Variants in TENM3 observed in about 807,000 individuals in gnomAD.
The protein encoded by TENM3 is teneurin-3.
Under a neutral mutation model 255.1 loss-of-function variants are expected in TENM3, and 63 were observed. The observed-to-expected ratio is 0.25, with a 90% confidence interval of 0.20 to 0.30. The LOEUF is 0.30. Among genes scored for constraint, TENM3 ranks in the 10% least tolerant of loss-of-function variants. The pLI is 1.00. For synonymous variants in TENM3, 1,306 were observed against 1,322.3 expected (o/e 0.99, Z 0.27); for missense variants, 2,929 against 3,461.1 (o/e 0.85, Z 3.86).
At chr4:182,507,246 T>C (rs1736929664) in intron 3 of TENM3, among the ~76,000 whole-genome samples, 1 of 152,198 alleles carries the variant, frequency 6.6e-6, no homozygotes, top group Non-Finnish European at 1.5e-5. Flanking sequence ...TCTTTTGCCC[T>C]TTTTCTTCCA....
chr4:181,934,633 C>G, the TENM3 span, among the ~76,000 whole-genome samples: 1 of 152,060 alleles, frequency 6.6e-6, no homozygotes, highest in Admixed American at 6.6e-5. Flanking sequence ...TTTAGCATAA[C>G]TTCAAATTTT....
chr4:182,729,121 G>C lies in TENM3; in HGVS notation c.2525G>C (p.Ser842Thr), dbSNP rs1190744552. 6.2e-7 allele frequency: 1 copy of C among 1,613,888 alleles called. No homozygotes were observed. The highest frequency in any genetic ancestry group is 1.3e-5 in the African/African-American group (1 of 74,926). ...QAAKSFYDRI[S>T]FLIGSDSTHV... ...GCCAAATCCTTTTATGATCGAATCAGTTTCCTTATAGGATCTGATAGCACC... is the reference window on the plus strand; with the variant it reads ...GCCAAATCCTTTTATGATCGAATCACTTTCCTTATAGGATCTGATAGCACC... Residue 842 changes from serine to threonine, a missense_variant, in exon 14 of 28, where the codon AGT becomes ACT. Around this residue, in one of 6 missense-constraint regions of TENM3, gnomAD observed 1,608 missense variants for 1,884.4 expected, o/e 0.85. Transcript: ENST00000511685.
chr4:181,638,765 AT>A, the TENM3 span, among the ~76,000 whole-genome samples: 1 of 152,212 alleles, frequency 6.6e-6, no homozygotes, highest in Non-Finnish European at 1.5e-5. Flanking sequence ...ATCACTATGT[AT>A]AAAAACTGCA....
chr4:181,617,165 G>C, the TENM3 span, among the ~76,000 whole-genome samples: 1 of 152,146 alleles, frequency 6.6e-6, no homozygotes, highest in Non-Finnish European at 1.5e-5. Flanking sequence ...AGATGGTCCA[G>C]TGGAATTTAG....
chr4:182,786,266 G>A (rs1430976171), intron 24 of TENM3, among the ~76,000 whole-genome samples: 5 of 152,178 alleles, frequency 3.3e-5, no homozygotes, highest in Non-Finnish European at 5.9e-5. Flanking sequence ...GGTGCAAATC[G>A]GAAGCCAGGG....
the TENM3 span, among the ~76,000 whole-genome samples, chr4:181,929,782 T>TA: frequency 1.3e-5 from 2 of 152,184 alleles, no homozygotes; most frequent in South Asian, 4.1e-4. Flanking sequence ...TAATAGGAGG[T>TA]AAAACACTCC....
At chr4:182,508,316 A>T (rs1251505473) in intron 3 of TENM3, among the ~76,000 whole-genome samples, 1 of 152,162 alleles carries the variant, frequency 6.6e-6, no homozygotes, top group Non-Finnish European at 1.5e-5. Flanking sequence ...GGTTTCATTA[A>T]AGTAACTATT....
the TENM3 span, among the ~76,000 whole-genome samples, chr4:181,943,912 C>T: frequency 6.6e-6 from 1 of 152,070 alleles, no homozygotes; most frequent in Non-Finnish European, 1.5e-5. Context: ...TTCTCTATCT[C>T]GCCACACAGA....
the TENM3 span, among the ~76,000 whole-genome samples, chr4:181,865,010 G>A: frequency 6.0e-4 from 92 of 152,306 alleles, 1 homozygote; most frequent in Admixed American, 5.8e-3. Flanking sequence ...AATACAAAGT[G>A]TGTTCTAATG....
At chr4:181,552,666 A>G in the TENM3 span, among the ~76,000 whole-genome samples, 1 of 152,130 alleles carries the variant, frequency 6.6e-6, no homozygotes, top group Non-Finnish European at 1.5e-5. Context: ...TGGGGGGAAA[A>G]TGGGCTTTAT....
At chr4:182,787,157 G>A (rs577301079) in intron 24 of TENM3, among the ~76,000 whole-genome samples, 4 of 152,342 alleles carry the variant, frequency 2.6e-5, no homozygotes, top group South Asian at 4.1e-4. Flanking sequence ...CAACTGATAT[G>A]CAGACAGTTC....
intron 6 of TENM3, among the ~76,000 whole-genome samples, chr4:182,666,849 G>A (rs1483647828): frequency 2.0e-5 from 3 of 151,848 alleles, no homozygotes; most frequent in East Asian, 1.9e-4. Flanking sequence ...GCAGTGAGCC[G>A]AGATTGGGCC....
At chr4:181,908,822 A>C in the TENM3 span, among the ~76,000 whole-genome samples, 1 of 152,238 alleles carries the variant, frequency 6.6e-6, no homozygotes, top group Non-Finnish European at 1.5e-5. Context: ...GTGACCCTTA[A>C]AAGGTGAACA....
At chr4:182,462,058 C>G (rs1047958159) in intron 3 of TENM3, among the ~76,000 whole-genome samples, 2 of 135,952 alleles carry the variant, frequency 1.5e-5, no homozygotes, top group Non-Finnish European at 1.6e-5. Context: ...TCATCACAGC[C>G]TCCTCTGAGC....
chr4:182,621,781 AAT>A (rs1359249320), intron 4 of TENM3, among the ~76,000 whole-genome samples: 2 of 59,520 alleles, frequency 3.4e-5, no homozygotes, highest in Non-Finnish European at 3.1e-5. Context: ...TATTATATAT[AAT>A]TATATATATA....
At chr4:182,103,203 T>G in the TENM3 span, among the ~76,000 whole-genome samples, 1 of 152,186 alleles carries the variant, frequency 6.6e-6, no homozygotes, top group Non-Finnish European at 1.5e-5. Flanking sequence ...AGCTAAAAAG[T>G]CTCTGGACAT....
the TENM3 span, among the ~76,000 whole-genome samples, chr4:181,468,132 C>CAAAAAA: frequency 7.6e-6 from 1 of 130,728 alleles, no homozygotes. Context: ...CCCATCTGTA[C>CAAAAAA]AAAAAAAAAA....
At chr4:182,526,956 G>C (rs992269457) in intron 3 of TENM3, among the ~76,000 whole-genome samples, 2 of 147,454 alleles carry the variant, frequency 1.4e-5, no homozygotes, top group Admixed American at 6.7e-5. Context: ...TAGCCCTTTC[G>C]CTCCTTTCTG....
chr4:182,527,083 T>C (rs1231854467), intron 3 of TENM3, among the ~76,000 whole-genome samples: 1 of 152,132 alleles, frequency 6.6e-6, no homozygotes, highest in African/African-American at 2.4e-5. Flanking sequence ...ATATAATGAG[T>C]TGTCTAAAGT....
Sources: allele counts gnomAD v4.1 joint callset (sites outside exome capture counted in the v4.1 genomes callset), GRCh38; gene constraint gnomAD v4.1.1; regional missense constraint gnomAD v4.1.1; transcripts MANE v1.5; gene names NCBI Gene and HGNC (gene_info 2026-07-23, HGNC 2026-07-21).